Variants in PEBP4 observed in about 807,000 individuals in gnomAD.
PEBP4 encodes the protein phosphatidylethanolamine binding protein 4, also known as phosphatidylethanolamine-binding protein 4.
A neutral mutation model predicts 23.9 loss-of-function variants in PEBP4; 22 were observed. The observed-to-expected ratio is 0.92, with a 90% CI of 0.66 to 1.31. The LOEUF (loss-of-function observed/expected upper bound fraction) is 1.31. PEBP4 is among the 40% of genes most tolerant of loss of function. The pLI is 0.00. For synonymous variants in PEBP4, 112 were observed against 99.3 expected (o/e 1.13, Z -0.76); for missense variants, 324 against 281.7 (o/e 1.15, Z -1.07).
At chr8:22,781,425 C>A (rs1438181310) in intron 4 of PEBP4, among the ~76,000 whole-genome samples, 1 of 152,176 alleles carries the variant, frequency 6.6e-6, no homozygotes, top group Non-Finnish European at 1.5e-5. Flanking sequence ...TTTACATAAC[C>A]AGGGCTGCTT....
chr8:22,809,207 A>G (rs534610565), intron 4 of PEBP4, among the ~76,000 whole-genome samples: 4 of 152,298 alleles, frequency 2.6e-5, no homozygotes, highest in African/African-American at 9.6e-5. Context: ...AATCCTCAAC[A>G]TTCCTGCGAG....
At chr8:22,925,113 AT>A in intron 2 of PEBP4, 1 of 985,070 alleles carries the variant, frequency 1.0e-6, no homozygotes, top group Non-Finnish European at 1.2e-6. Flanking sequence ...TCCTTGATGC[AT>A]TTTTCATTTC....
chr8:22,868,462 G>A (rs1807948911), intron 3 of PEBP4, among the ~76,000 whole-genome samples: 1 of 152,032 alleles, frequency 6.6e-6, no homozygotes, highest in African/African-American at 2.4e-5. Flanking sequence ...GGGGTGGGAG[G>A]AATTGGGTTT....
intron 3 of PEBP4, 66 bp downstream of exon 3, chr8:22,920,118 G>A: frequency 6.4e-7 from 1 of 1,566,102 alleles, no homozygotes; most frequent in Non-Finnish European, 8.7e-7. Flanking sequence ...ACCCAGATGA[G>A]CAAGCCTGGA....
chr8:22,933,301 T>C (rs115469330), intron 1 of PEBP4, among the ~76,000 whole-genome samples: 77 of 152,192 alleles, frequency 5.1e-4, no homozygotes, highest in African/African-American at 1.8e-3. Flanking sequence ...CAACAGACCA[T>C]CTAAAGCCCC....
chr8:22,930,983 T>C (rs1809446992), upstream of PEBP4, among the ~76,000 whole-genome samples: 2 of 152,142 alleles, frequency 1.3e-5, no homozygotes, highest in South Asian at 2.1e-4. Context: ...CTGAGACACA[T>C]TGGTCCCTCC....
At chr8:22,723,074 C>T (rs993523020) in intron 6 of PEBP4, among the ~76,000 whole-genome samples, 2 of 151,014 alleles carry the variant, frequency 1.3e-5, no homozygotes, top group African/African-American at 4.9e-5. Context: ...AGCCACCGCG[C>T]CCAGCCTGGG....
At chr8:22,737,513 C>T (rs765335715) in intron 4 of PEBP4, among the ~76,000 whole-genome samples, 5 of 152,182 alleles carry the variant, frequency 3.3e-5, no homozygotes, top group East Asian at 1.9e-4. Context: ...GGAAATTCCC[C>T]GCTAAGGTGC....
intron 4 of PEBP4, among the ~76,000 whole-genome samples, chr8:22,770,969 A>AACTC (rs1480917206): frequency 6.6e-6 from 1 of 152,232 alleles, no homozygotes. Flanking sequence ...GTTACTTCTC[A>AACTC]ACTCACTCAC....
At chr8:22,826,016 G>A (rs1399293371) in intron 3 of PEBP4, among the ~76,000 whole-genome samples, 2 of 152,184 alleles carry the variant, frequency 1.3e-5, no homozygotes, top group Non-Finnish European at 2.9e-5. Context: ...AATGGTGGTT[G>A]CCAGGGTTGG....
chr8:22,905,660 G>A (rs549913150), intron 3 of PEBP4, among the ~76,000 whole-genome samples: 20 of 152,296 alleles, frequency 1.3e-4, no homozygotes, highest in African/African-American at 2.4e-4. Flanking sequence ...CTAGGGGTCC[G>A]GAGGCAGGAG....
At chr8:22,770,226 T>G (rs760115529) in intron 4 of PEBP4, among the ~76,000 whole-genome samples, 1 of 152,158 alleles carries the variant, frequency 6.6e-6, no homozygotes, top group Non-Finnish European at 1.5e-5. Flanking sequence ...ACTGGGTCAG[T>G]GGCTTGGTGG....
At chr8:22,937,683 C>T (rs746254227) in intron 1 of PEBP4, among the ~76,000 whole-genome samples, 1 of 152,102 alleles carries the variant, frequency 6.6e-6, no homozygotes, top group Non-Finnish European at 1.5e-5. Flanking sequence ...ACAAAACTTA[C>T]TACAAAGCTA....
intron 3 of PEBP4, among the ~76,000 whole-genome samples, chr8:22,906,987 A>G (rs1366103159): frequency 6.6e-6 from 1 of 152,262 alleles, no homozygotes; most frequent in Non-Finnish European, 1.5e-5. Context: ...TAGGAGGGAT[A>G]AGAGGTCTCT....
Position 22,745,460 on chromosome 8 carries a change from C to A in PEBP4, c.358-18240G>T, listed in dbSNP as rs1805092420. The A allele has an allele frequency of 1.3e-5, 2 of 152,336 alleles. 1 individual carries two copies. The highest frequency in any genetic ancestry group is 4.1e-4 in the South Asian group (2 of 4,826). The allele number at this position is 152,336 out of a possible 1,614,324, so 9.4% of individuals were successfully genotyped here. A position where few individuals can be genotyped will look rare whatever the true frequency, so the allele number is the denominator to read the frequency against. ...GATCCCAGGCTGAGACCTCCAGAGC[C>A]CCTGTCTAGCTCAACTGAGAAGAGT... On this transcript the variant is annotated intron_variant, in intron 4 of 6. Transcript: ENST00000256404.
intron 3 of PEBP4, among the ~76,000 whole-genome samples, chr8:22,909,886 C>G (rs1440577676): frequency 6.6e-6 from 1 of 152,204 alleles, no homozygotes; most frequent in African/African-American, 2.4e-5. Flanking sequence ...GGAGAATGGC[C>G]AGCAAATATC....
At chr8:22,849,570 C>T (rs1353953188) in intron 3 of PEBP4, among the ~76,000 whole-genome samples, 4 of 152,154 alleles carry the variant, frequency 2.6e-5, no homozygotes, top group Non-Finnish European at 4.4e-5. Context: ...ACGGTGTTTC[C>T]GTGCCCACTG....
intron 4 of PEBP4, among the ~76,000 whole-genome samples, chr8:22,795,480 A>G (rs983429450): frequency 1.6e-4 from 24 of 152,052 alleles, no homozygotes; most frequent in Admixed American, 1.4e-3. Flanking sequence ...CGGCCTAATT[A>G]TTATATTTTT....
intron 5 of PEBP4, among the ~76,000 whole-genome samples, chr8:22,725,378 C>T (rs1351708743): frequency 6.6e-6 from 1 of 151,588 alleles, no homozygotes; most frequent in Non-Finnish European, 1.5e-5. Context: ...TGCTTATGAA[C>T]TCAATCCCCA....
Sources: gnomAD v4.1 joint callset for allele counts (sites outside exome capture counted in the v4.1 genomes callset) on GRCh38, gnomAD v4.1.1 for gene constraint, MANE v1.5 for transcripts, NCBI Gene and HGNC (gene_info 2026-07-23, HGNC 2026-07-21) for gene names.